The following TNC variants were observed in gnomAD, a reference collection of about 807,000 sequenced individuals.
TNC encodes tenascin.
In TNC, 109 loss-of-function variants were observed where a neutral mutation model predicts 202.4. The observed-to-expected ratio is 0.54, with a 90% CI of 0.46 to 0.63. The LOEUF is 0.63. TNC is among the 30% of genes least tolerant of loss of function. The probability of loss-of-function intolerance (pLI) is 0.00; values close to 1 mark genes in which losing one functional copy is unlikely to be tolerated. For synonymous variants in TNC, 1,007 were observed against 1,089.7 expected (o/e 0.92, Z 1.50); for missense variants, 2,756 against 2,833.3 (o/e 0.97, Z 0.62).
intron 15 of TNC, among the ~76,000 whole-genome samples, chr9:115,053,830 G>A (rs1237031871): frequency 6.6e-6 from 1 of 152,160 alleles, no homozygotes; most frequent in Non-Finnish European, 1.5e-5. Flanking sequence ...GAATGCAAAG[G>A]TGAAAGAAAA....
chr9:115,035,186 G>T lies in TNC; in HGVS notation c.5787+18C>A, dbSNP rs912429873. 1.3e-6 allele frequency: 2 copies of T among 1,598,296 alleles called. No individual in the cohort carries two copies. The highest frequency in any genetic ancestry group is 3.5e-5 in the Admixed American group (2 of 57,644). On this transcript the variant is annotated intron_variant, in intron 22 of 27. Coordinates refer to ENST00000350763, the MANE Select transcript of TNC (RefSeq NM_002160.4). ...ATGCTTCAACTAGCATTGAGGAGTT[G>T]TTATATACTTAAAATACCTTGACTG...
chr9:115,063,628 G>C (rs1832716287), intron 12 of TNC, among the ~76,000 whole-genome samples, 168 bp downstream of exon 12: 1 of 152,164 alleles, frequency 6.6e-6, no homozygotes, highest in Non-Finnish European at 1.5e-5. Context: ...GCTACAACTA[G>C]GACTTAGCCA....
At chr9:115,081,961 G>A (rs1184108608) in intron 5 of TNC, 33 bp from the exon 6 acceptor site, 1 of 1,557,960 alleles carries the variant, frequency 6.4e-7, no homozygotes, top group Admixed American at 2.2e-5. Context: ...TAAGAGTTAG[G>A]GGAGGTGCCA....
intron 6 of TNC, among the ~76,000 whole-genome samples, chr9:115,078,516 GTTA>G (rs888787805): frequency 3.3e-5 from 5 of 150,094 alleles, no homozygotes; most frequent in Non-Finnish European, 5.9e-5. Context: ...TTGTTCTTTT[GTTA>G]TTATTATTAT....
chr9:115,113,433 A>G (rs569650866), intron 1 of TNC, among the ~76,000 whole-genome samples: 45 of 152,338 alleles, frequency 3.0e-4, no homozygotes, highest in African/African-American at 1.1e-3. Flanking sequence ...AAATGGCATG[A>G]TGCCTATAGA....
intron 6 of TNC, among the ~76,000 whole-genome samples, chr9:115,078,883 A>G: frequency 6.6e-6 from 1 of 152,142 alleles, no homozygotes; most frequent in Non-Finnish European, 1.5e-5. Flanking sequence ...GTCTCTGTAC[A>G]TGCTGTTCTC....
At chr9:115,054,525 C>T (rs145456617) in intron 15 of TNC, among the ~76,000 whole-genome samples, 4 of 152,290 alleles carry the variant, frequency 2.6e-5, no homozygotes, top group Non-Finnish European at 4.4e-5. Context: ...ACCAGACAGA[C>T]TATCAATGCC....
intron 15 of TNC, among the ~76,000 whole-genome samples, chr9:115,051,847 T>C (rs1831698692): frequency 6.6e-6 from 1 of 151,932 alleles, no homozygotes; most frequent in African/African-American, 2.4e-5. Context: ...AAAAGCTTTA[T>C]ACAACTCTTG....
rs1831134666 is a variant in TNC at position 115,045,726 on chromosome 9, A to G, written c.5125+684T>C. ...CATCTTTTTTTTTTTTCTCCTTGAA[A>G]CAGCTCCTATGGAAAAAGGTAATTA... On this transcript the variant is annotated intron_variant, in intron 17 of 27. Coordinates refer to ENST00000350763, the MANE Select transcript of TNC (RefSeq NM_002160.4). Among the ~76,000 whole-genome samples, 5 of 151,358 alleles carry G rather than the reference A, an allele frequency of 3.3e-5. No individual in the cohort carries two copies. In the South Asian group the frequency reaches 1.0e-3, roughly 32 times the overall value.
rs1832807232 is a variant in TNC at position 115,064,690 on chromosome 9, G to T, written c.3444C>A (p.Ile1148=). ...AGAGCACTGGTGTTCTATAGCCCTG[G>T]ATCACCCCATAGATGGAGACTGTAT... ...TPYTVSIYGV[I]QGYRTPVLSA... is the part of the protein sequence containing the mutation. Residue 1148 remains isoleucine, a synonymous_variant, in exon 11 of 28, where the codon ATC becomes ATA. Coordinates refer to ENST00000350763, the MANE Select transcript of TNC (RefSeq NM_002160.4). The T allele has an allele frequency of 1.2e-6, 2 of 1,613,968 alleles. No individual in the cohort carries two copies. The highest frequency in any genetic ancestry group is 2.7e-5 in the African/African-American group (2 of 74,932).
intron 1 of TNC, among the ~76,000 whole-genome samples, chr9:115,107,004 T>G (rs1836667003): frequency 6.6e-6 from 1 of 152,134 alleles, no homozygotes; most frequent in African/African-American, 2.4e-5. Flanking sequence ...ATGAATAACT[T>G]TTAATCATTA....
At chr9:115,060,466 G>T (rs1162874755) in intron 13 of TNC, among the ~76,000 whole-genome samples, 3 of 152,182 alleles carry the variant, frequency 2.0e-5, no homozygotes, top group African/African-American at 7.2e-5. Flanking sequence ...ACCTTTAAAT[G>T]GAGTTGATGG....
Position 115,057,358 on chromosome 9 carries a change from C to T in TNC, c.4374G>A (p.Trp1458Ter). The change falls in exon 15 of 28, where the codon TGG becomes TGA. Residue 1458 changes from tryptophan to a stop codon, truncating the protein, a stop_gained. Transcript: ENST00000350763. LOFTEE classifies it high-confidence loss of function. ...TCTCGAAGATCCCATCGGTAGCCAT[C>T]CAGGAGAGATTGAAGCTCTCGGGAG... ...DITPESFNLSWMATDGIFETF... is the reference protein window; with the variant it reads ...DITPESFNLS The T allele has an allele frequency of 6.2e-7, 1 of 1,614,000 alleles. No homozygotes were observed. Among genetic ancestry groups the T allele is most frequent in the Non-Finnish European group, 8.5e-7 (1 of 1,180,008 alleles).
chr9:115,021,133 C>T lies in TNC; in HGVS notation c.*24G>A. The T allele has an allele frequency of 6.3e-7, 1 of 1,581,596 alleles. No homozygotes were observed. Among genetic ancestry groups the T allele is most frequent in the South Asian group, 1.1e-5 (1 of 90,290 alleles). On this transcript the variant is annotated 3_prime_UTR_variant, in exon 28 of 28. Transcript: ENST00000350763. ...TTTCCTCGCTCTGGGCCTTATTCCTCTCTCACCCAGTGGTCCCTGGAATTT... is the reference window on the plus strand; with the variant it reads ...TTTCCTCGCTCTGGGCCTTATTCCTTTCTCACCCAGTGGTCCCTGGAATTT...
chr9:115,089,960 C>A (rs78389633), intron 2 of TNC, among the ~76,000 whole-genome samples: 3,245 of 152,258 alleles, frequency 0.021, 112 homozygotes, highest in African/African-American at 0.074. Context: ...TACAACAGTG[C>A]CTGTTACACA....
chr9:115,075,782 T>TCAA (rs955260553), intron 9 of TNC, among the ~76,000 whole-genome samples: 28 of 151,976 alleles, frequency 1.8e-4, no homozygotes, highest in Admixed American at 6.6e-4. Context: ...ATACTCCATC[T>TCAA]CAACAACAAC....
At chr9:115,023,866 G>T in intron 27 of TNC, 107 bp downstream of exon 27, 3 of 1,301,704 alleles carry the variant, frequency 2.3e-6, no homozygotes, top group Non-Finnish European at 3.2e-6. Context: ...TACAAGTAAG[G>T]TTCCTGCCTC....
chr9:115,077,360 T>C (rs1432130409), intron 7 of TNC, among the ~76,000 whole-genome samples: 1 of 152,142 alleles, frequency 6.6e-6, no homozygotes, highest in African/African-American at 2.4e-5. Context: ...CTGACCCCAA[T>C]TTTTGTACTT....
rs1830811417 is a variant in TNC, at chr9:115,042,210, G to A, written c.5248+9C>T. 6.2e-7 allele frequency: 1 copy of A among 1,612,300 alleles called. No homozygotes were observed. Among genetic ancestry groups the A allele is most frequent in the Non-Finnish European group, 8.5e-7 (1 of 1,179,008 alleles). On this transcript the variant is annotated intron_variant, in intron 18 of 27. Transcript: ENST00000350763. ...CTCCTCCTCTCTCTCCCCTTTCCGA[G>A]TCTCCTACCTCCTGTAATGGGCACA... is the stretch of plus-strand genomic sequence containing the variant.
Sources: allele counts gnomAD v4.1 joint callset (sites outside exome capture counted in the v4.1 genomes callset), GRCh38; gene constraint gnomAD v4.1.1; transcripts MANE v1.5; gene names NCBI Gene and HGNC (gene_info 2026-07-23, HGNC 2026-07-21).